MYO16: variants seen among roughly 807,000 people sequenced by gnomAD.
MYO16 encodes myosin XVI, also known as unconventional myosin-XVI.
In MYO16, 94 loss-of-function variants were observed where a neutral mutation model predicts 205.3. The observed-to-expected ratio is 0.46, with a 90% CI of 0.39 to 0.54. The LOEUF (loss-of-function observed/expected upper bound fraction) is 0.54. Among genes scored for constraint, MYO16 ranks in the 20% least tolerant of loss-of-function variants. MYO16 has a pLI of 0.00. For missense variants in MYO16, 2,315 were observed against 2,387.5 expected (o/e 0.97, Z 0.63); for synonymous variants, 988 against 954.0 (o/e 1.04, Z -0.66).
chr13:108,508,373 A>G, the MYO16 span, among the ~76,000 whole-genome samples: 1 of 152,084 alleles, frequency 6.6e-6, no homozygotes, highest in African/African-American at 2.4e-5. Context: ...TTGGGGATGC[A>G]CTTTCTCTGG....
At chr13:108,709,755 C>A (rs1036888375) in intron 2 of MYO16, among the ~76,000 whole-genome samples, 1 of 135,438 alleles carries the variant, frequency 7.4e-6, no homozygotes, top group Non-Finnish European at 1.6e-5. Context: ...ATTTAGTTCA[C>A]ACTACTATCT....
chr13:109,151,011 A>C (rs577535207), intron 32 of MYO16, among the ~76,000 whole-genome samples: 4 of 152,334 alleles, frequency 2.6e-5, no homozygotes, highest in African/African-American at 9.6e-5. Context: ...GGTGCATGGA[A>C]TATTGTCCTA....
intron 23 of MYO16, among the ~76,000 whole-genome samples, chr13:109,032,266 C>T (rs1166326544): frequency 1.3e-5 from 2 of 152,146 alleles, no homozygotes; most frequent in East Asian, 3.8e-4. Context: ...CCAGATGAAG[C>T]CCTACCACCA....
At chr13:108,540,559 A>T in the MYO16 span, among the ~76,000 whole-genome samples, 1 of 152,146 alleles carries the variant, frequency 6.6e-6, no homozygotes, top group African/African-American at 2.4e-5. Context: ...GTGATTATAC[A>T]TAACAAATTT....
At chr13:108,900,399 C>A (rs1199816261) in intron 15 of MYO16, among the ~76,000 whole-genome samples, 2 of 152,068 alleles carry the variant, frequency 1.3e-5, no homozygotes, top group Non-Finnish European at 2.9e-5. Flanking sequence ...TAATGATGGG[C>A]CTGGAGCAGT....
chr13:109,191,627 T>A (rs1422455751), intron 34 of MYO16, among the ~76,000 whole-genome samples: 1 of 152,110 alleles, frequency 6.6e-6, no homozygotes, highest in Non-Finnish European at 1.5e-5. Context: ...GCCAAGGCCC[T>A]GAGGTAGGAG....
intron 19 of MYO16, among the ~76,000 whole-genome samples, chr13:108,963,710 G>A (rs1185085880): frequency 6.6e-6 from 1 of 152,184 alleles, no homozygotes; most frequent in Non-Finnish European, 1.5e-5. Flanking sequence ...GCCACACTAA[G>A]CATCTTGAAG....
intron 1 of MYO16, among the ~76,000 whole-genome samples, chr13:108,599,003 C>T (rs1485381740): frequency 2.5e-5 from 3 of 119,878 alleles, no homozygotes; most frequent in African/African-American, 9.5e-5. Flanking sequence ...CCCCCTCCCC[C>T]CACCCCATCC....
intron 4 of MYO16, among the ~76,000 whole-genome samples, chr13:108,742,841 G>A (rs1025408557): frequency 6.6e-6 from 1 of 152,208 alleles, no homozygotes; most frequent in African/African-American, 2.4e-5. Context: ...CTTGCTTGCT[G>A]AGAGAGGAAC....
chr13:108,553,610 G>A, the MYO16 span, among the ~76,000 whole-genome samples: 2 of 152,118 alleles, frequency 1.3e-5, no homozygotes, highest in Non-Finnish European at 2.9e-5. Flanking sequence ...TCTTTTATGT[G>A]TTGTTACTCT....
At chr13:108,762,764 T>C (rs1194207047) in intron 4 of MYO16, among the ~76,000 whole-genome samples, 1 of 152,188 alleles carries the variant, frequency 6.6e-6, no homozygotes, top group African/African-American at 2.4e-5. Context: ...TGTTACCTCA[T>C]TTAAAGAGAG....
intron 2 of MYO16, among the ~76,000 whole-genome samples, chr13:108,696,594 C>T (rs553628761): frequency 5.9e-5 from 9 of 152,180 alleles, no homozygotes; most frequent in East Asian, 5.8e-4. Flanking sequence ...GGGATACCTG[C>T]GGGGAAGGAC....
At chr13:109,178,540 G>C (rs565258274) in intron 33 of MYO16, among the ~76,000 whole-genome samples, 3 of 152,342 alleles carry the variant, frequency 2.0e-5, no homozygotes, top group African/African-American at 7.2e-5. Context: ...TCAGAGGAGA[G>C]TAGTAATCAC....
At chr13:108,681,036 G>T (rs75516904) in intron 2 of MYO16, among the ~76,000 whole-genome samples, 6,640 of 152,220 alleles carry the variant, frequency 0.044, 221 homozygotes, top group South Asian at 0.15. Flanking sequence ...TCCAAAGTCT[G>T]GTCACTGCTC....
intron 1 of MYO16, among the ~76,000 whole-genome samples, chr13:108,599,001 C>T: frequency 8.5e-6 from 1 of 117,514 alleles, no homozygotes; most frequent in African/African-American, 3.2e-5. Flanking sequence ...TCCCCCCTCC[C>T]CCCACCCCAT....
chr13:108,500,217 TTTTGTTTTTTTTTTGTTTTTTTTG>T, the MYO16 span, among the ~76,000 whole-genome samples: 100 of 5,312 alleles, frequency 0.019, 21 homozygotes, highest in East Asian at 0.091. Flanking sequence ...TTTTTTTTTT[TTTTGTTTTTTTTTTGTTTTTTTTG>T]TTTTTTTTTT....
At chr13:109,009,665 A>G (rs1181994788) in intron 22 of MYO16, among the ~76,000 whole-genome samples, 1 of 152,224 alleles carries the variant, frequency 6.6e-6, no homozygotes, top group Admixed American at 6.5e-5. Flanking sequence ...TTTACTCACA[A>G]TATCTCCAAG....
At chr13:108,835,038 A>G (rs1594330586) in intron 9 of MYO16, among the ~76,000 whole-genome samples, 1 of 152,186 alleles carries the variant, frequency 6.6e-6, no homozygotes, top group Admixed American at 6.5e-5. Context: ...GTAGAAAATA[A>G]CGCATAACTA....
intron 31 of MYO16, among the ~76,000 whole-genome samples, chr13:109,138,537 C>T (rs1450186548): frequency 1.3e-5 from 2 of 152,024 alleles, no homozygotes; most frequent in Non-Finnish European, 2.9e-5. Context: ...TGTTCCATCT[C>T]TTTTGAAATT....
Sources: allele counts gnomAD v4.1 joint callset (sites outside exome capture counted in the v4.1 genomes callset), GRCh38; gene constraint gnomAD v4.1.1; transcripts MANE v1.5; gene names NCBI Gene and HGNC (gene_info 2026-07-23, HGNC 2026-07-21).